Variants in KIAA1217 observed in about 807,000 individuals in gnomAD.
KIAA1217 encodes the protein KIAA1217, also known as sickle tail protein homolog.
Under a neutral mutation model 163.9 loss-of-function variants are expected in KIAA1217, and 88 were observed. The observed-to-expected ratio is 0.54, with a 90% CI of 0.45 to 0.64. The LOEUF is 0.64. Ranked by LOEUF, KIAA1217 falls within the 30% of genes least tolerant of loss-of-function variation. The pLI, the probability that KIAA1217 is intolerant of heterozygous loss-of-function variation, is 0.00. For missense variants in KIAA1217, 2,372 were observed against 2,475.0 expected (o/e 0.96, Z 0.88); for synonymous variants, 903 against 923.1 (o/e 0.98, Z 0.39).
intron 1 of KIAA1217, among the ~76,000 whole-genome samples, chr10:23,766,085 T>C (rs567057450): frequency 6.6e-6 from 1 of 152,336 alleles, no homozygotes; most frequent in Non-Finnish European, 1.5e-5. Context: ...ATCTTTTAAT[T>C]AGCAATGATT....
chr10:24,147,861 AAGAAAG>A (rs2064406210), intron 2 of KIAA1217, among the ~76,000 whole-genome samples: 2 of 146,106 alleles, frequency 1.4e-5, no homozygotes, highest in African/African-American at 5.0e-5. Context: ...AAAAAAAAAA[AAGAAAG>A]AAAGAGAAAA....
In KIAA1217 at chr10:24,251,426, G is replaced by GA. The variant is rs1310730335; in HGVS notation, c.354+31526dup. ...AAAAAAAAAAAAAAAAAAAAAACAA[G>GA]AAAAAAAAAGAAAGAAAAAAACAGA... On this transcript the variant is annotated intron_variant, in intron 2 of 20. Transcript: ENST00000376454. 3.6e-4 allele frequency among the ~76,000 whole-genome samples: 46 copies of GA among 129,436 alleles called. No individual in the cohort carries two copies. The South Asian group carries it at 4.6e-3, about 13-fold the overall frequency. 84.9% of individuals were successfully genotyped at this position (129,436 alleles called of 152,430 possible). A position where few individuals can be genotyped will look rare whatever the true frequency, so the allele number is the denominator to read the frequency against.
chr10:24,247,624 C>A (rs895173946), intron 2 of KIAA1217, among the ~76,000 whole-genome samples: 3 of 152,112 alleles, frequency 2.0e-5, no homozygotes, highest in African/African-American at 7.2e-5. Flanking sequence ...GGTGAAACCC[C>A]GTCTCTACTA....
At chr10:23,817,517 G>C (rs1239132285) in intron 1 of KIAA1217, among the ~76,000 whole-genome samples, 2 of 152,080 alleles carry the variant, frequency 1.3e-5, no homozygotes, top group East Asian at 3.9e-4. Flanking sequence ...ATCCAGAGAG[G>C]CTAGGTAACT....
At chr10:24,096,057 G>T (rs143867604) in intron 2 of KIAA1217, among the ~76,000 whole-genome samples, 38 of 152,300 alleles carry the variant, frequency 2.5e-4, no homozygotes, top group African/African-American at 8.7e-4. Flanking sequence ...GCAGTGAGCT[G>T]TGATTGCACC....
At chr10:23,820,357 C>G (rs1837562388) in intron 1 of KIAA1217, among the ~76,000 whole-genome samples, 1 of 152,140 alleles carries the variant, frequency 6.6e-6, no homozygotes, top group African/African-American at 2.4e-5. Flanking sequence ...AAATACAGTT[C>G]TACTCTATGA....
chr10:24,047,096 T>C (rs113626942), intron 2 of KIAA1217, among the ~76,000 whole-genome samples: 14 of 152,318 alleles, frequency 9.2e-5, no homozygotes, highest in Admixed American at 3.3e-4. Flanking sequence ...AGTTAATAAA[T>C]GCATCACAAA....
intron 2 of KIAA1217, among the ~76,000 whole-genome samples, chr10:24,228,334 GA>G (rs2070883501): frequency 6.6e-6 from 1 of 151,944 alleles, no homozygotes; most frequent in African/African-American, 2.4e-5. Context: ...TCTTAAAGCT[GA>G]TGTATTAATC....
chr10:23,891,137 T>C (rs572693680), intron 1 of KIAA1217, among the ~76,000 whole-genome samples: 9 of 152,128 alleles, frequency 5.9e-5, no homozygotes, highest in Non-Finnish European at 1.3e-4. Context: ...AAAATGTATC[T>C]TTCTAGTTTA....
At chr10:23,987,138 G>C (rs1456282109) in intron 1 of KIAA1217, among the ~76,000 whole-genome samples, 1 of 152,020 alleles carries the variant, frequency 6.6e-6, no homozygotes, top group Non-Finnish European at 1.5e-5. Flanking sequence ...AGCATTTTGG[G>C]AGGCAGAGGC....
intron 1 of KIAA1217, among the ~76,000 whole-genome samples, chr10:23,832,508 C>G (rs1838257340): frequency 6.6e-6 from 1 of 152,138 alleles, no homozygotes. Context: ...TGTCCTCTCT[C>G]CTGAAGCGCA....
chr10:23,818,106 CACACAT>C (rs1837429534), intron 1 of KIAA1217, among the ~76,000 whole-genome samples: 1 of 128,120 alleles, frequency 7.8e-6, no homozygotes, highest in African/African-American at 3.1e-5. Flanking sequence ...CACACACACA[CACACAT>C]ATATATATAT....
intron 1 of KIAA1217, among the ~76,000 whole-genome samples, chr10:23,850,553 C>T (rs961932571): frequency 3.3e-5 from 5 of 152,070 alleles, no homozygotes; most frequent in South Asian, 2.1e-4. Context: ...GGCCCAGTAC[C>T]AGCTAGAGTA....
At chr10:24,136,817 C>A (rs1195956871) in intron 2 of KIAA1217, among the ~76,000 whole-genome samples, 1 of 152,194 alleles carries the variant, frequency 6.6e-6, no homozygotes, top group Non-Finnish European at 1.5e-5. Flanking sequence ...GGAGGTTCTG[C>A]GTGGTCCTTG....
intron 2 of KIAA1217, among the ~76,000 whole-genome samples, chr10:24,182,722 A>G (rs2066239435): frequency 6.6e-6 from 1 of 152,162 alleles, no homozygotes; most frequent in South Asian, 2.1e-4. Context: ...AGGATATGAG[A>G]GAACTCCCAT....
chr10:23,899,156 T>C (rs1184241849), intron 1 of KIAA1217, among the ~76,000 whole-genome samples: 1 of 152,136 alleles, frequency 6.6e-6, no homozygotes, highest in Non-Finnish European at 1.5e-5. Context: ...ATCGTATTCA[T>C]ATTGTGTGCA....
At chr10:23,940,154 T>G (rs1843694911) in intron 1 of KIAA1217, among the ~76,000 whole-genome samples, 1 of 151,764 alleles carries the variant, frequency 6.6e-6, no homozygotes, top group Non-Finnish European at 1.5e-5. Flanking sequence ...AAATTCACAA[T>G]TATAATTAGA....
intron 2 of KIAA1217, among the ~76,000 whole-genome samples, chr10:24,287,113 T>C (rs913538439): frequency 6.6e-6 from 1 of 151,866 alleles, no homozygotes; most frequent in African/African-American, 2.4e-5. Flanking sequence ...GCAGTTGGTG[T>C]GATCTCGGCT....
intron 1 of KIAA1217, among the ~76,000 whole-genome samples, chr10:23,859,251 C>A (rs905518173): frequency 6.6e-6 from 1 of 152,214 alleles, no homozygotes; most frequent in African/African-American, 2.4e-5. Flanking sequence ...CTGGACTACA[C>A]AGTCTCTAAG....
Sources: allele counts gnomAD v4.1 joint callset (sites outside exome capture counted in the v4.1 genomes callset), GRCh38; gene constraint gnomAD v4.1.1; transcripts MANE v1.5; gene names NCBI Gene and HGNC (gene_info 2026-07-23, HGNC 2026-07-21).